RRAS2: variants seen among roughly 807,000 people sequenced by gnomAD.
RRAS2 encodes ras-related protein R-Ras2.
In RRAS2, 7 loss-of-function variants were observed where a neutral mutation model predicts 27.6. That is an observed-to-expected ratio of 0.25 (90% confidence interval 0.14 to 0.48). RRAS2 has a LOEUF of 0.48. Ranked by LOEUF, RRAS2 falls within the 20% of genes least tolerant of loss-of-function variation. The pLI is 0.99. For missense variants in RRAS2, 178 were observed against 256.2 expected, an observed-to-expected ratio of 0.69 and a Z score of 2.08; for synonymous variants, 86 against 90.9, an observed-to-expected ratio of 0.95 and a Z score of 0.31.
At chr11:14,335,723 T>C (rs1848576105) in intron 1 of RRAS2, among the ~76,000 whole-genome samples, 1 of 152,196 alleles carries the variant, frequency 6.6e-6, no homozygotes, top group African/African-American at 2.4e-5. Flanking sequence ...AGACCAACAC[T>C]TTGGAATCCA....
intron 1 of RRAS2, among the ~76,000 whole-genome samples, chr11:14,317,466 G>A (rs889346595): frequency 6.6e-6 from 1 of 152,162 alleles, no homozygotes; most frequent in Non-Finnish European, 1.5e-5. Flanking sequence ...TGTAATCTCA[G>A]CTACTCAGGA....
chr11:14,301,553 G>C (rs1337163371), intron 1 of RRAS2, among the ~76,000 whole-genome samples: 1 of 152,114 alleles, frequency 6.6e-6, no homozygotes, highest in African/African-American at 2.4e-5. Flanking sequence ...ATGAGGGCAG[G>C]GACTTTGTCA....
intron 4 of RRAS2, among the ~76,000 whole-genome samples, chr11:14,287,313 G>A (rs1456761265): frequency 6.6e-6 from 1 of 152,154 alleles, no homozygotes; most frequent in Non-Finnish European, 1.5e-5. Flanking sequence ...GTAAACACAT[G>A]TTAAGTAAAT....
At chr11:14,351,993 C>T (rs1284256311) in intron 1 of RRAS2, among the ~76,000 whole-genome samples, 1 of 151,796 alleles carries the variant, frequency 6.6e-6, no homozygotes, top group Admixed American at 6.6e-5. Context: ...CTTCAACTTA[C>T]ATTCAAATGA....
At chr11:14,363,083 C>A (rs1250798705), upstream of RRAS2, among the ~76,000 whole-genome samples, 1 of 152,210 alleles carries the variant, frequency 6.6e-6, no homozygotes, top group African/African-American at 2.4e-5. Flanking sequence ...TCTAACTCTT[C>A]TTGGAAAAAT....
Position 14,281,739 on chromosome 11 carries a change from T to C in RRAS2, c.409-19A>G. ...GTGTTACCTGAAATTCCAACAGTTA[T>C]GTTTATGGTACATTATTAACAACTG... On this transcript the variant is annotated intron_variant, in intron 4 of 5. Transcript: ENST00000256196. The C allele has an allele frequency of 6.4e-7, 1 of 1,551,378 alleles. No homozygotes were observed. Among genetic ancestry groups the C allele is most frequent in the Non-Finnish European group, 8.8e-7 (1 of 1,136,504 alleles).
At chr11:14,306,031 T>TGA (rs1448598505) in intron 1 of RRAS2, among the ~76,000 whole-genome samples, 11 of 152,042 alleles carry the variant, frequency 7.2e-5, no homozygotes, top group Admixed American at 6.6e-4. Context: ...GGCTACAGAC[T>TGA]GAGATCCTAT....
At chr11:14,307,210 C>G (rs1159609445) in intron 1 of RRAS2, among the ~76,000 whole-genome samples, 1 of 114,590 alleles carries the variant, frequency 8.7e-6, no homozygotes, top group South Asian at 2.8e-4. Flanking sequence ...CCAAAAAAAA[C>G]AAAAAAAAAC....
At chr11:14,303,552 C>G (rs969820755) in intron 1 of RRAS2, among the ~76,000 whole-genome samples, 1 of 152,134 alleles carries the variant, frequency 6.6e-6, no homozygotes, top group Non-Finnish European at 1.5e-5. Context: ...GCCTCAGCGA[C>G]AGAGAGAGAC....
At chr11:14,316,929 G>A (rs1442254818) in intron 1 of RRAS2, among the ~76,000 whole-genome samples, 1 of 152,248 alleles carries the variant, frequency 6.6e-6, no homozygotes, top group African/African-American at 2.4e-5. Flanking sequence ...TCAAGTAGGA[G>A]GCAAGACAAG....
chr11:14,294,238 A>T (rs1847488313), intron 4 of RRAS2, among the ~76,000 whole-genome samples: 1 of 152,240 alleles, frequency 6.6e-6, no homozygotes. Flanking sequence ...ATAAAATTTT[A>T]TGAAAAACTA....
chr11:14,329,200 C>T (rs934970821), intron 1 of RRAS2, among the ~76,000 whole-genome samples: 10 of 151,704 alleles, frequency 6.6e-5, no homozygotes, highest in African/African-American at 2.2e-4. Flanking sequence ...AACCTCCCTT[C>T]GCCTCCCAGG....
At chr11:14,287,591 G>A (rs1411004913) in intron 4 of RRAS2, among the ~76,000 whole-genome samples, 1 of 152,034 alleles carries the variant, frequency 6.6e-6, no homozygotes, top group Non-Finnish European at 1.5e-5. Context: ...AAAAAGTTAG[G>A]CCAGGCATGG....
chr11:14,348,161 A>C lies in RRAS2; in HGVS notation c.108+10602T>G, dbSNP rs572584488. Reference sequence around the variant, plus strand: ...ATTTCATTCAATGCCTCGCTGAACAAATTATAAAGACAAGATCTCATTAGC... The same window carrying C: ...ATTTCATTCAATGCCTCGCTGAACACATTATAAAGACAAGATCTCATTAGC... On this transcript the variant is annotated intron_variant, in intron 1 of 5. Transcript: ENST00000256196. 9.8e-5 allele frequency among the ~76,000 whole-genome samples: 15 copies of C among 152,308 alleles called. No homozygotes were observed. The South Asian group carries it at 3.1e-3, about 32-fold the overall frequency.
At chr11:14,308,343 T>C (rs782777232) in intron 1 of RRAS2, 26 of 428,246 alleles carry the variant, frequency 6.1e-5, no homozygotes, top group Non-Finnish European at 1.1e-4. Context: ...ATAAACTCTT[T>C]AGTAATAAAA....
At chr11:14,322,861 G>A (rs1051592716) in intron 1 of RRAS2, among the ~76,000 whole-genome samples, 12 of 152,124 alleles carry the variant, frequency 7.9e-5, no homozygotes, top group South Asian at 2.1e-4. Context: ...CAAGACAAAT[G>A]TGAATTTAAA....
At chr11:14,353,790 GA>G (rs1849015807) in intron 1 of RRAS2, among the ~76,000 whole-genome samples, 1 of 152,102 alleles carries the variant, frequency 6.6e-6, no homozygotes, top group Non-Finnish European at 1.5e-5. Context: ...TCCTCTATAA[GA>G]AAATGTTCTT....
At chr11:14,334,139 A>G (rs1341349029) in intron 1 of RRAS2, among the ~76,000 whole-genome samples, 1 of 152,226 alleles carries the variant, frequency 6.6e-6, no homozygotes, top group Non-Finnish European at 1.5e-5. Context: ...AATTTATGAA[A>G]TTTAAGATTT....
rs1376833722 is a variant in RRAS2, at chr11:14,278,310, C to T, written c.*1027G>A. 2 of 152,222 alleles carry T rather than the reference C, an allele frequency of 1.3e-5. No individual in the cohort carries two copies. The highest frequency in any genetic ancestry group is 2.9e-5 in the Non-Finnish European group (2 of 68,034). 9.4% of individuals were successfully genotyped at this position (152,222 alleles called of 1,614,324 possible). On this transcript the variant is annotated 3_prime_UTR_variant, in exon 6 of 6. Transcript: ENST00000256196. ...AGACCAGCAAGTAAAAGTTCTACCA[C>T]AGTTTCTGTAGTTTCCACTTGTTTT...
Sources: gnomAD v4.1 joint callset for allele counts (sites outside exome capture counted in the v4.1 genomes callset) on GRCh38, gnomAD v4.1.1 for gene constraint, MANE v1.5 for transcripts, NCBI Gene and HGNC (gene_info 2026-07-23, HGNC 2026-07-21) for gene names.